Variants in TSC22D1 observed in about 807,000 individuals in gnomAD.
The protein encoded by TSC22D1 is TSC22 domain family protein 1.
A neutral mutation model predicts 74.2 loss-of-function variants in TSC22D1; 9 were observed. That is an observed-to-expected ratio of 0.12 (90% CI 0.07 to 0.21). The LOEUF (loss-of-function observed/expected upper bound fraction) is 0.21, where lower values mean the gene tolerates loss of function less well. Ranked by LOEUF, TSC22D1 falls within the 10% of genes least tolerant of loss-of-function variation. TSC22D1 has a pLI of 1.00. For missense variants in TSC22D1, 1,427 were observed against 1,304.7 expected (o/e 1.09, Z -1.44); for synonymous variants, 586 against 492.5 (o/e 1.19, Z -2.51).
intron 1 of TSC22D1, among the ~76,000 whole-genome samples, chr13:44,549,799 A>C (rs577433092): frequency 7.5e-4 from 112 of 149,882 alleles, no homozygotes; most frequent in South Asian, 1.5e-3. Context: ...AAAAAGAAGA[A>C]GGCGGCGGCG....
chr13:44,500,415 C>G (rs1177007227), intron 1 of TSC22D1, among the ~76,000 whole-genome samples: 1 of 152,172 alleles, frequency 6.6e-6, no homozygotes, highest in Non-Finnish European at 1.5e-5. Flanking sequence ...GTTCAACAAT[C>G]CTTGTGTTCA....
chr13:44,436,949 A>T (rs956452262), intron 1 of TSC22D1: 2 of 1,017,570 alleles, frequency 2.0e-6, no homozygotes, highest in African/African-American at 3.4e-5. Flanking sequence ...ACTCCCTTCC[A>T]GGTCCTCCCG....
chr13:44,476,744 A>G (rs1877933270), intron 1 of TSC22D1, among the ~76,000 whole-genome samples: 1 of 151,976 alleles, frequency 6.6e-6, no homozygotes, highest in African/African-American at 2.4e-5. Context: ...TGGCATGATC[A>G]TGGCTCACTG....
intron 1 of TSC22D1, among the ~76,000 whole-genome samples, chr13:44,478,540 C>G (rs1267852292): frequency 6.7e-6 from 1 of 150,266 alleles, no homozygotes; most frequent in East Asian, 1.9e-4. Context: ...AAATAGGAAG[C>G]TCAAAATCTG....
At chr13:44,449,203 C>G (rs1875927392) in intron 1 of TSC22D1, among the ~76,000 whole-genome samples, 1 of 152,204 alleles carries the variant, frequency 6.6e-6, no homozygotes, top group Admixed American at 6.5e-5. Flanking sequence ...GCACTCAGAT[C>G]AGTCCCAGTG....
chr13:44,493,943 A>G (rs868475538), intron 1 of TSC22D1, among the ~76,000 whole-genome samples: 1 of 152,126 alleles, frequency 6.6e-6, no homozygotes, highest in Non-Finnish European at 1.5e-5. Context: ...ATAGCTTACA[A>G]AAGTTGGCCA....
chr13:44,449,909 A>G (rs567125058), intron 1 of TSC22D1, among the ~76,000 whole-genome samples: 1 of 152,314 alleles, frequency 6.6e-6, no homozygotes, highest in South Asian at 2.1e-4. Context: ...GTGAGCACCC[A>G]TGAAAGGCCA....
intron 1 of TSC22D1, among the ~76,000 whole-genome samples, chr13:44,566,401 T>C (rs1282704832): frequency 6.6e-6 from 1 of 152,198 alleles, no homozygotes; most frequent in East Asian, 1.9e-4. Context: ...TGGTTAAATA[T>C]GGTAGACATT....
chr13:44,468,369 T>C (rs1240819547), intron 1 of TSC22D1, among the ~76,000 whole-genome samples: 1 of 131,960 alleles, frequency 7.6e-6, no homozygotes, highest in Non-Finnish European at 1.8e-5. Context: ...CCCCTAAAGC[T>C]ATTGAATTTT....
chr13:44,495,185 T>C (rs1041142702), intron 1 of TSC22D1, among the ~76,000 whole-genome samples: 1 of 151,740 alleles, frequency 6.6e-6, no homozygotes, highest in Non-Finnish European at 1.5e-5. Context: ...AAGGAAAGAA[T>C]TATTTGAAGA....
chr13:44,574,010 G>T lies in TSC22D1; in HGVS notation c.2065C>A (p.Pro689Thr), dbSNP rs374190256. The change falls in exon 1 of 3, where the codon CCA becomes ACA. Residue 689 changes from proline (P) to threonine (T), a missense_variant. Transcript: ENST00000458659. ...TGCACTGGCAGCTGGATACCCTGTG[G>T]CTGAGCCACAGGAATCACTGTTGTT... is the stretch of plus-strand genomic sequence containing the variant. Reference protein sequence around the residue: ...AGTTVIPVAQPQGIQLPVQPT... With the variant: ...AGTTVIPVAQTQGIQLPVQPT... The T allele has an allele frequency of 1.4e-5, 22 of 1,613,918 alleles. No individual in the cohort carries two copies. In the African/African-American group the frequency reaches 2.8e-4, roughly 21 times the overall value.
At chr13:44,481,052 A>G (rs544962633) in intron 1 of TSC22D1, among the ~76,000 whole-genome samples, 13 of 152,336 alleles carry the variant, frequency 8.5e-5, no homozygotes, top group African/African-American at 2.9e-4. Context: ...CTGGGGAGAG[A>G]AGCCAAACAA....
At position 44,549,970 on chromosome 13, in the gene TSC22D1, C is replaced by T. The variant is rs75109134; in HGVS notation, c.2912+23193G>A. 2.6e-3 allele frequency among the ~76,000 whole-genome samples: 400 copies of T among 152,200 alleles called. 3 individuals carry two copies. The highest frequency in any genetic ancestry group is 0.02 in the Middle Eastern group (6 of 294). On this transcript the variant is annotated intron_variant, in intron 1 of 2. Transcript: ENST00000458659. ...GGAAAAAATAATTTGAATCCTGCTA[C>T]CTTACTGACTATTCACAGTTTCCAC...
rs190084313 is a variant in TSC22D1, at chr13:44,494,291, G to A, written c.2913-58196C>T. Among the ~76,000 whole-genome samples, 16 of 137,238 alleles carry A rather than the reference G, an allele frequency of 1.2e-4. No homozygotes were observed. In the East Asian group the frequency reaches 2.9e-3, roughly 25 times the overall value. The allele number at this position is 137,238 out of a possible 152,430, so 90.0% of individuals were successfully genotyped here. A position where few individuals can be genotyped will look rare whatever the true frequency, so the allele number is the denominator to read the frequency against. ...CTTGGGAGGCTGAGGCAGGAGAATCGCTTGAACCCAAGAGGTGGAGGTTGC... is the reference window on the plus strand; with the variant it reads ...CTTGGGAGGCTGAGGCAGGAGAATCACTTGAACCCAAGAGGTGGAGGTTGC... On this transcript the variant is annotated intron_variant, in intron 1 of 2. Transcript: ENST00000458659.
intron 1 of TSC22D1, among the ~76,000 whole-genome samples, chr13:44,570,536 G>A (rs1413805734): frequency 6.6e-6 from 1 of 152,042 alleles, no homozygotes; most frequent in Non-Finnish European, 1.5e-5. Flanking sequence ...TTTAAAACAA[G>A]ATACATAATC....
In TSC22D1 at chr13:44,455,980, T is replaced by C. The variant is rs569044063; in HGVS notation, c.2913-19885A>G. On this transcript the variant is annotated intron_variant, in intron 1 of 2. Coordinates refer to ENST00000458659, the MANE Select transcript of TSC22D1 (RefSeq NM_183422.4). The stretch of plus-strand genomic sequence containing the variant: ...AGACCATTGATATGCAGTAAAGAAC[T>C]CAATACTCAAAAAGTACAAGGTGCA... Among the ~76,000 whole-genome samples, 7 of 152,250 alleles carry C rather than the reference T, an allele frequency of 4.6e-5. No homozygotes were observed. In the South Asian group the frequency reaches 1.5e-3, roughly 32 times the overall value.
chr13:44,547,442 A>G (rs968418996), intron 1 of TSC22D1, among the ~76,000 whole-genome samples: 1 of 152,204 alleles, frequency 6.6e-6, no homozygotes, highest in Non-Finnish European at 1.5e-5. Context: ...TTTACATTAA[A>G]TAGCAAGTGT....
intron 1 of TSC22D1, among the ~76,000 whole-genome samples, chr13:44,553,409 C>G (rs1041493306): frequency 5.3e-5 from 8 of 151,476 alleles, no homozygotes; most frequent in African/African-American, 1.9e-4. Flanking sequence ...TTATAGATTT[C>G]AAAATCCAGT....
chr13:44,509,867 T>C lies in TSC22D1; in HGVS notation c.2912+63296A>G, dbSNP rs145723935. Among the ~76,000 whole-genome samples, 516 of 148,256 alleles carry C rather than the reference T, an allele frequency of 3.5e-3. 1 individual carries two copies. Among genetic ancestry groups the C allele is most frequent in the Middle Eastern group, 0.017 (5 of 286 alleles). On this transcript the variant is annotated intron_variant, in intron 1 of 2. Transcript: ENST00000458659. ...AAAAAAGAGACAGTTGAAAGAAATATATTTTTAACATGTTTAGCTTCACTA... is the reference window on the plus strand; with the variant it reads ...AAAAAAGAGACAGTTGAAAGAAATACATTTTTAACATGTTTAGCTTCACTA...
Sources: allele counts gnomAD v4.1 joint callset (sites outside exome capture counted in the v4.1 genomes callset), GRCh38; gene constraint gnomAD v4.1.1; transcripts MANE v1.5; gene names NCBI Gene and HGNC (gene_info 2026-07-23, HGNC 2026-07-21).